SLC9A6: variants seen among roughly 807,000 people sequenced by gnomAD.
The protein encoded by SLC9A6 is sodium/hydrogen exchanger 6.
Under a neutral mutation model 45.3 loss-of-function variants are expected in SLC9A6, and 6 were observed. The ratio of observed to expected loss-of-function variants is 0.13; its 90% CI spans 0.07 to 0.26. The LOEUF (loss-of-function observed/expected upper bound fraction) is 0.26, where lower values mean the gene tolerates loss of function less well. Among genes scored for constraint, SLC9A6 ranks in the 10% least tolerant of loss-of-function variants. The pLI, the probability that SLC9A6 is intolerant of heterozygous loss-of-function variation, is 1.00. For missense variants in SLC9A6, 278 were observed against 503.7 expected, an observed-to-expected ratio of 0.55 and a Z score of 4.29; for synonymous variants, 191 against 187.7, an observed-to-expected ratio of 1.02 and a Z score of -0.14.
At chrX:136,026,506 T>C (rs1209127506) in intron 13 of SLC9A6, among the ~76,000 whole-genome samples, 3 of 111,470 alleles carry the variant, frequency 2.7e-5, no homozygotes, top group Non-Finnish European at 5.7e-5. Flanking sequence ...ACACCAGCCA[T>C]GTGCCGGGCA....
intron 3 of SLC9A6, among the ~76,000 whole-genome samples, chrX:135,995,594 G>A (rs2089485961): frequency 1.8e-5 from 2 of 112,308 alleles, no homozygotes; most frequent in South Asian, 7.4e-4. Flanking sequence ...AAAGTGCTGG[G>A]ATTACAGGCA....
intron 7 of SLC9A6, among the ~76,000 whole-genome samples, chrX:136,006,969 C>A (rs1028580704): frequency 9.0e-6 from 1 of 110,519 alleles, no homozygotes; most frequent in East Asian, 2.8e-4. Flanking sequence ...CAGGTTCAAG[C>A]GATTCTCCTG....
chrX:136,022,832 C>T, intron 12 of SLC9A6, 135 bp downstream of exon 12: 1 of 348,082 alleles, frequency 2.9e-6, no homozygotes, highest in Non-Finnish European at 5.3e-6. Flanking sequence ...TATTTAGAGA[C>T]ACTGTTTCAC....
Position 135,994,954 on chromosome X carries a change from A to G in SLC9A6, c.338A>G (p.Asn113Ser), listed in dbSNP as rs377126261. 7.1e-5 allele frequency: 85 copies of G among 1,196,337 alleles called. No homozygotes were observed. The highest frequency in any genetic ancestry group is 8.7e-5 in the Admixed American group (4 of 45,724). ...LKGEISSHEL[N>S]NVQDNEMLRK... The stretch of plus-strand genomic sequence containing the variant: ...GGAGAGATTAGTTCACATGAACTCA[A>G]TAATGTTCAAGATAATGAAATGCTT... Residue 113 changes from asparagine to serine, a missense_variant, in exon 3 of 18, where the codon AAT becomes AGT. Transcript: ENST00000630721.
chrX:136,035,919 AT>A (rs200801813), intron 16 of SLC9A6, among the ~76,000 whole-genome samples: 5,088 of 90,744 alleles, frequency 0.056, 296 homozygotes, highest in African/African-American at 0.16. Context: ...ACACCCAGCT[AT>A]TTTTTTTTTT....
At position 136,017,774 on chromosome X, in the gene SLC9A6, C is replaced by T. The variant is rs192093580; in HGVS notation, c.1194+1016C>T. Among the ~76,000 whole-genome samples the T allele has an allele frequency of 6.0e-3, 666 of 111,779 alleles. 6 individuals are homozygous for T. Among genetic ancestry groups the T allele is most frequent in the African/African-American group, 0.021 (633 of 30,767 alleles). The stretch of plus-strand genomic sequence containing the variant: ...AAAACAACAGACAGTTATTATCTCA[C>T]ACAGTTTCTGAGGGTCAGGAATCCT... On this transcript the variant is annotated intron_variant, in intron 11 of 17. Transcript: ENST00000630721.
chrX:136,009,557 G>T (rs2070879679), intron 7 of SLC9A6, among the ~76,000 whole-genome samples: 1 of 112,174 alleles, frequency 8.9e-6, no homozygotes, highest in Admixed American at 9.5e-5. Flanking sequence ...TGATGTTGTT[G>T]AGTCTGGACT....
chrX:136,015,872 A>G lies in SLC9A6; in HGVS notation c.1081-773A>G, dbSNP rs373205881. On this transcript the variant is annotated intron_variant, in intron 10 of 17. Transcript: ENST00000630721. The stretch of plus-strand genomic sequence containing the variant: ...CCATGTTCTTAACCACTATTCTGTT[A>G]TGTGTCAGAGGGCTCATTGTAGATA... 1.2e-4 allele frequency among the ~76,000 whole-genome samples: 13 copies of G among 107,791 alleles called. No homozygotes were observed. In the East Asian group the frequency reaches 3.8e-3, roughly 32 times the overall value. The allele number at this position is 107,791 out of a possible 115,157, so 93.6% of individuals were successfully genotyped here.
chrX:136,038,778 C>T (rs1226927806), intron 16 of SLC9A6, among the ~76,000 whole-genome samples: 2 of 101,193 alleles, frequency 2.0e-5, no homozygotes, highest in Non-Finnish European at 4.0e-5. Flanking sequence ...CATCATCTGG[C>T]GAGTTTTTTT....
At chrX:136,002,565 CTT>C (rs782131320) in intron 7 of SLC9A6, among the ~76,000 whole-genome samples, 3 of 103,005 alleles carry the variant, frequency 2.9e-5, no homozygotes. Flanking sequence ...TATTTTCTTT[CTT>C]TTTTTTTTTT....
intron 7 of SLC9A6, 48 bp downstream of exon 7, chrX:136,002,261 ACTAGGAAC>A (rs782570091): frequency 3.5e-6 from 3 of 865,159 alleles, no homozygotes; most frequent in Admixed American, 2.2e-5. Context: ...GTGTGAGGGT[ACTAGGAAC>A]TGAAAGTCAC....
At chrX:136,043,463 AGTCTATTTGATG>A (rs1201943768) in intron 17 of SLC9A6, among the ~76,000 whole-genome samples, 6 of 112,140 alleles carry the variant, frequency 5.4e-5, no homozygotes, top group Non-Finnish European at 1.1e-4. Flanking sequence ...TAGTCTTCTC[AGTCTATTTGATG>A]GTCTTAGACA....
chrX:136,042,512 CTT>C (rs1259669742), intron 17 of SLC9A6, among the ~76,000 whole-genome samples: 1 of 111,878 alleles, frequency 8.9e-6, no homozygotes, highest in East Asian at 2.8e-4. Flanking sequence ...TTGTTAACTG[CTT>C]TTTTTAGTTA....
intron 16 of SLC9A6, among the ~76,000 whole-genome samples, chrX:136,037,746 A>G (rs1603222164): frequency 9.0e-6 from 1 of 110,674 alleles, no homozygotes; most frequent in African/African-American, 3.3e-5. Context: ...AATTTTTTGT[A>G]TTTTTGGTAG....
chrX:136,017,618 C>T (rs1291611592), intron 11 of SLC9A6, among the ~76,000 whole-genome samples: 7 of 111,213 alleles, frequency 6.3e-5, no homozygotes, highest in African/African-American at 2.3e-4. Context: ...AATGAAGGCA[C>T]ATTTGTAAGA....
chrX:136,016,301 T>G (rs921700855), intron 10 of SLC9A6, among the ~76,000 whole-genome samples: 17 of 110,448 alleles, frequency 1.5e-4, no homozygotes, highest in African/African-American at 5.6e-4. Context: ...TAGAGGTCCT[T>G]TCTCATCATT....
intron 8 of SLC9A6, among the ~76,000 whole-genome samples, chrX:136,012,171 C>T (rs1252895307): frequency 1.8e-5 from 2 of 113,113 alleles, no homozygotes; most frequent in African/African-American, 6.4e-5. Context: ...TATTCTTTGT[C>T]AAGGACTTCT....
intron 7 of SLC9A6, among the ~76,000 whole-genome samples, chrX:136,004,241 A>G (rs781821108): frequency 2.6e-4 from 28 of 108,809 alleles, no homozygotes; most frequent in Admixed American, 2.2e-3. Context: ...GGCATGTGCC[A>G]CCATGCCTGG....
intron 7 of SLC9A6, among the ~76,000 whole-genome samples, chrX:136,004,942 T>C (rs1556617779): frequency 1.8e-5 from 2 of 112,269 alleles, no homozygotes; most frequent in African/African-American, 6.5e-5. Flanking sequence ...AAGCTTCCAG[T>C]ACGTAGGTAC....
Sources: allele counts gnomAD v4.1 joint callset (sites outside exome capture counted in the v4.1 genomes callset), GRCh38; gene constraint gnomAD v4.1.1; transcripts MANE v1.5; gene names NCBI Gene and HGNC (gene_info 2026-07-23, HGNC 2026-07-21).